SEPTIN11: variants seen among roughly 807,000 people sequenced by gnomAD.
The protein encoded by SEPTIN11 is septin 11, also known as septin-11.
Under a neutral mutation model 51.4 loss-of-function variants are expected in SEPTIN11, and 25 were observed. The ratio of observed to expected loss-of-function variants is 0.49; its 90% CI spans 0.35 to 0.68. The LOEUF (loss-of-function observed/expected upper bound fraction) is 0.68, where lower values mean the gene tolerates loss of function less well. Among genes scored for constraint, SEPTIN11 ranks in the 30% least tolerant of loss-of-function variants. The pLI, the probability that SEPTIN11 is intolerant of heterozygous loss-of-function variation, is 0.00. For missense variants in SEPTIN11, 381 were observed against 520.8 expected, an observed-to-expected ratio of 0.73 and a Z score of 2.61; for synonymous variants, 174 against 184.1, an observed-to-expected ratio of 0.95 and a Z score of 0.44.
chr4:77,019,100 G>A, intron 5 of SEPTIN11, 65 bp from the exon 6 acceptor site: 1 of 1,454,380 alleles, frequency 6.9e-7, no homozygotes, highest in South Asian at 1.2e-5. Context: ...AGAAGATAGA[G>A]ACTGGTGGAA....
At chr4:77,014,798 C>T in intron 4 of SEPTIN11, 58 bp from the exon 5 acceptor site, 2 of 1,537,386 alleles carry the variant, frequency 1.3e-6, no homozygotes, top group Non-Finnish European at 1.8e-6. Flanking sequence ...ATGTTTTATT[C>T]ACTTGTCTAT....
chr4:76,990,333 A>G (rs1723300196), intron 1 of SEPTIN11, among the ~76,000 whole-genome samples: 1 of 152,118 alleles, frequency 6.6e-6, no homozygotes, highest in South Asian at 2.1e-4. Context: ...GTGTTTTACA[A>G]TCCTCTTGTA....
intron 1 of SEPTIN11, among the ~76,000 whole-genome samples, chr4:76,979,959 A>G (rs1722689777): frequency 6.6e-6 from 1 of 152,212 alleles, no homozygotes; most frequent in South Asian, 2.1e-4. Flanking sequence ...CCAAGCATCA[A>G]GCATGGTGAC....
intron 7 of SEPTIN11, among the ~76,000 whole-genome samples, chr4:77,023,349 TATATG>T (rs1033093539): frequency 1.4e-5 from 2 of 146,860 alleles, no homozygotes; most frequent in East Asian, 3.9e-4. Context: ...ATATTACTAA[TATATG>T]ATATAATTAT....
downstream of SEPTIN11, chr4:77,039,526 C>T: frequency 1.0e-6 from 1 of 985,368 alleles, no homozygotes; most frequent in African/African-American, 1.7e-5. Flanking sequence ...CCTGTCCTTT[C>T]TGTCCCATGA....
chr4:76,992,779 G>T (rs1236181773), intron 1 of SEPTIN11, among the ~76,000 whole-genome samples: 1 of 152,240 alleles, frequency 6.6e-6, no homozygotes, highest in Admixed American at 6.5e-5. Context: ...ATTTTATTGG[G>T]ATCTGGAAGA....
chr4:76,989,372 C>A (rs1723226409), intron 1 of SEPTIN11, among the ~76,000 whole-genome samples: 1 of 152,122 alleles, frequency 6.6e-6, no homozygotes, highest in African/African-American at 2.4e-5. Context: ...TTAAATATTG[C>A]TTTCGAATGG....
intron 1 of SEPTIN11, 49 bp from the exon 2 acceptor site, chr4:76,996,376 A>G (rs777122927): frequency 1.5e-5 from 19 of 1,227,010 alleles, no homozygotes; most frequent in Middle Eastern, 3.8e-4. Flanking sequence ...TGTGATATCC[A>G]GGTGGCATGG....
chr4:76,987,472 A>T (rs1723092943), intron 1 of SEPTIN11, among the ~76,000 whole-genome samples: 1 of 152,224 alleles, frequency 6.6e-6, no homozygotes, highest in Non-Finnish European at 1.5e-5. Context: ...AGCAATGCTT[A>T]GCTTTGAAAG....
In SEPTIN11 at chr4:77,005,696, T is replaced by C. The variant is rs1724432181; in HGVS notation, c.238T>C (p.Leu80=). The C allele has an allele frequency of 1.2e-6, 2 of 1,614,060 alleles. No homozygotes were observed. Among genetic ancestry groups the C allele is most frequent in the African/African-American group, 2.7e-5 (2 of 75,032 alleles). The change falls in exon 3 of 10, where the codon TTA becomes CTA. Residue 80 remains leucine, a synonymous_variant. Coordinates refer to ENST00000264893, the MANE Select transcript of SEPTIN11 (RefSeq NM_018243.4). ...TACTCACAATGAACCAGGTGTTCGGTTAAAAGCCAGAAGTTATGAGCTTCA... is the reference window on the plus strand; with the variant it reads ...TACTCACAATGAACCAGGTGTTCGGCTAAAAGCCAGAAGTTATGAGCTTCA... ...PATHNEPGVR[L]KARSYELQES...
At chr4:76,954,468 G>A (rs544469806) in intron 1 of SEPTIN11, among the ~76,000 whole-genome samples, 24 of 151,806 alleles carry the variant, frequency 1.6e-4, no homozygotes, top group East Asian at 9.7e-4. Flanking sequence ...AACCTCCCCC[G>A]CCCCCTTTTT....
At chr4:77,029,620 A>T (rs1303507714) in intron 8 of SEPTIN11, among the ~76,000 whole-genome samples, 1 of 152,048 alleles carries the variant, frequency 6.6e-6, no homozygotes, top group Non-Finnish European at 1.5e-5. Flanking sequence ...AAAAAATCTA[A>T]AATTGTCTAG....
At chr4:77,013,325 C>A (rs1337059698) in intron 4 of SEPTIN11, among the ~76,000 whole-genome samples, 2 of 152,052 alleles carry the variant, frequency 1.3e-5, no homozygotes, top group Non-Finnish European at 2.9e-5. Flanking sequence ...ATGATAATAT[C>A]AAAGTTTTAT....
intron 1 of SEPTIN11, among the ~76,000 whole-genome samples, chr4:76,988,994 C>G (rs1008107926): frequency 2.0e-5 from 3 of 152,128 alleles, no homozygotes; most frequent in East Asian, 1.9e-4. Context: ...ATTTTTCACC[C>G]TGTGTTGGCT....
Position 77,011,749 on chromosome 4 carries a change from T to C in SEPTIN11, c.353T>C (p.Val118Ala), listed in dbSNP as rs756193741. The change falls in exon 4 of 10, where the codon GTA (valine) becomes GCA (alanine). Residue 118 changes from valine (V) to alanine (A), a missense_variant. Physicochemically the swap from Val to Ala is moderately conservative, Grantham distance 64. Transcript: ENST00000264893. The part of the protein sequence containing the change: ...INKDDSYKPI[V>A]EYIDAQFEAY... ...CTGCATTCTAGCTATAAGCCGATAG[T>C]AGAATATATTGATGCCCAGTTCGAG... The C allele has an allele frequency of 1.9e-6, 3 of 1,614,058 alleles. No individual in the cohort carries two copies. Among genetic ancestry groups the C allele is most frequent in the Non-Finnish European group, 2.5e-6 (3 of 1,179,918 alleles).
chr4:76,986,698 T>A (rs142464604), intron 1 of SEPTIN11, among the ~76,000 whole-genome samples: 1 of 152,316 alleles, frequency 6.6e-6, no homozygotes, highest in East Asian at 1.9e-4. Flanking sequence ...GGTTCTACTA[T>A]TAGAAAAATT....
intron 1 of SEPTIN11, among the ~76,000 whole-genome samples, chr4:76,969,601 T>G (rs1421714425): frequency 6.6e-6 from 1 of 152,154 alleles, no homozygotes; most frequent in African/African-American, 2.4e-5. Flanking sequence ...GAATTTTTCT[T>G]AAGAAATTAG....
chr4:77,033,796 C>T (rs1213124969), intron 9 of SEPTIN11, among the ~76,000 whole-genome samples: 2 of 152,166 alleles, frequency 1.3e-5, no homozygotes, highest in African/African-American at 2.4e-5. Flanking sequence ...GTTTACCCAA[C>T]CATCCACTCA....
Position 76,984,675 on chromosome 4 carries a change from G to A in SEPTIN11, c.28-11750G>A, listed in dbSNP as rs567194217. 2.6e-5 allele frequency among the ~76,000 whole-genome samples: 4 copies of A among 152,206 alleles called. No homozygotes were observed. The highest frequency in any genetic ancestry group is 4.2e-4 in the South Asian group (2 of 4,818). On this transcript the variant is annotated intron_variant, in intron 1 of 9. Transcript: ENST00000264893. This position sits in a 1 kb window ranked among gnomAD's most constrained non-coding sequence, Gnocchi z 4.1. ...CTTAATTCTATTTGACCTCCTATTC[G>A]TCACTGTTTTGAAGATATTCCATAG... is the stretch of plus-strand genomic sequence containing the variant.
Sources: gnomAD v4.1 joint callset for allele counts (sites outside exome capture counted in the v4.1 genomes callset) on GRCh38, gnomAD v4.1.1 for gene constraint, Gnocchi (gnomAD v3.1) non-coding constraint, MANE v1.5 for transcripts, NCBI Gene and HGNC (gene_info 2026-07-23, HGNC 2026-07-21) for gene names.